Variants in USP10 observed in about 807,000 individuals in gnomAD.
USP10 encodes the protein ubiquitin specific peptidase 10, also known as ubiquitin carboxyl-terminal hydrolase 10.
In USP10, 22 loss-of-function variants were observed where a neutral mutation model predicts 84.5. The ratio of observed to expected loss-of-function variants is 0.26; its 90% CI spans 0.19 to 0.37. The LOEUF is 0.37. Among genes scored for constraint, USP10 ranks in the 10% least tolerant of loss-of-function variants. The pLI is 1.00. For missense variants in USP10, 1,019 were observed against 998.9 expected (o/e 1.02, Z -0.27); for synonymous variants, 454 against 387.6 (o/e 1.17, Z -2.01).
intron 1 of USP10, among the ~76,000 whole-genome samples, chr16:84,714,681 C>T (rs939581579): frequency 1.3e-4 from 20 of 151,784 alleles, no homozygotes; most frequent in Admixed American, 6.6e-4. Context: ...TTAGTTGTTA[C>T]TTGTGAATTT....
intron 1 of USP10, among the ~76,000 whole-genome samples, chr16:84,730,715 GTTC>G (rs1217806203): frequency 6.6e-6 from 1 of 152,124 alleles, no homozygotes; most frequent in East Asian, 1.9e-4. Flanking sequence ...GATTTGTAGT[GTTC>G]TTACTGGATT....
chr16:84,702,350 G>A (rs1015783434), intron 1 of USP10, among the ~76,000 whole-genome samples: 2 of 151,976 alleles, frequency 1.3e-5, no homozygotes, highest in African/African-American at 4.8e-5. Flanking sequence ...AGCCACTACT[G>A]CGCCTGGCCG....
intron 2 of USP10, among the ~76,000 whole-genome samples, chr16:84,739,084 A>T: frequency 6.8e-6 from 1 of 146,836 alleles, no homozygotes; most frequent in African/African-American, 2.5e-5. Context: ...TTTGAGACAG[A>T]GTCTTGTGCT....
In USP10 at chr16:84,700,058, G is replaced by A. The variant is rs906992690; in HGVS notation, c.-33G>A. 5 of 1,367,034 alleles carry A rather than the reference G, an allele frequency of 3.7e-6. No individual in the cohort carries two copies. The highest frequency in any genetic ancestry group is 1.5e-5 in the African/African-American group (1 of 64,766). The allele number at this position is 1,367,034 out of a possible 1,614,324, so 84.7% of individuals were successfully genotyped here. ...GCGGGGGAAGCAGCGTGAGCAGCCG[G>A]AGGATCGCGGAGTCCCAATGAAACG... On this transcript the variant is annotated 5_prime_UTR_variant, in exon 1 of 14. Coordinates refer to ENST00000219473, the MANE Select transcript of USP10 (RefSeq NM_005153.3).
chr16:84,745,745 G>C, intron 4 of USP10, 72 bp downstream of exon 4: 5 of 1,460,440 alleles, frequency 3.4e-6, no homozygotes, highest in Non-Finnish European at 4.6e-6. Flanking sequence ...ATAGACTGTG[G>C]TGTTACCCAT....
At chr16:84,733,328 G>T (rs1390509502) in intron 1 of USP10, 107 bp from the exon 2 acceptor site, 2 of 838,692 alleles carry the variant, frequency 2.4e-6, no homozygotes, top group Admixed American at 2.3e-5. Context: ...GATCTTGGGG[G>T]TTATGGCCCA....
chr16:84,778,610 T>G (rs143540832), intron 13 of USP10, among the ~76,000 whole-genome samples: 1,820 of 152,258 alleles, frequency 0.012, 12 homozygotes, highest in Non-Finnish European at 0.019. Context: ...GGAGTGTCTG[T>G]GTGAGGCGTG....
chr16:84,757,402 G>GGTGTGTGTGTGTGT (rs58812391), intron 4 of USP10, among the ~76,000 whole-genome samples: 1 of 82,808 alleles, frequency 1.2e-5, no homozygotes, highest in South Asian at 2.8e-4. Context: ...GAGGGGTGGG[G>GGTGTGTGTGTGTGT]GTGTGTGTGT....
At chr16:84,722,207 C>G (rs1253445966) in intron 1 of USP10, among the ~76,000 whole-genome samples, 1 of 152,192 alleles carries the variant, frequency 6.6e-6, no homozygotes, top group Non-Finnish European at 1.5e-5. Context: ...ACAAACTGTA[C>G]TCTTTTGTTT....
At chr16:84,759,588 CTT>C in intron 6 of USP10, 116 bp downstream of exon 6, 1 of 1,006,026 alleles carries the variant, frequency 9.9e-7, no homozygotes, top group Non-Finnish European at 1.5e-6. Context: ...ATAATTCTGT[CTT>C]TTTTTAAAAA....
In USP10 at chr16:84,763,102, C is replaced by G; in HGVS notation, c.1654+14C>G. 1.3e-6 allele frequency: 2 copies of G among 1,569,156 alleles called. No individual in the cohort carries two copies. Among genetic ancestry groups the G allele is most frequent in the South Asian group, 2.2e-5 (2 of 89,510 alleles). On this transcript the variant is annotated intron_variant, in intron 9 of 13. Transcript: ENST00000219473. Reference sequence around the variant, plus strand: ...CAAGTAATGAAAGTAGGTTATGGTCCACTTGCCGCAGAGTTGTGCAAGAGT... The same window carrying G: ...CAAGTAATGAAAGTAGGTTATGGTCGACTTGCCGCAGAGTTGTGCAAGAGT...
chr16:84,748,343 G>A (rs62050862), intron 4 of USP10, among the ~76,000 whole-genome samples: 30,171 of 151,498 alleles, frequency 0.2, 3,617 homozygotes, highest in East Asian at 0.37. Flanking sequence ...TCACTCTGTC[G>A]CCCAGGCCGG....
intron 1 of USP10, among the ~76,000 whole-genome samples, chr16:84,723,391 AAG>A (rs1294525701): frequency 6.6e-6 from 1 of 152,170 alleles, no homozygotes; most frequent in Non-Finnish European, 1.5e-5. Context: ...TATTTATTTG[AAG>A]ATTATATTTG....
At chr16:84,701,941 T>C (rs1162922440) in intron 1 of USP10, among the ~76,000 whole-genome samples, 3 of 145,832 alleles carry the variant, frequency 2.1e-5, no homozygotes, top group Non-Finnish European at 3.0e-5. Flanking sequence ...CTTCTTCTTT[T>C]TTTTTTTTTT....
intron 1 of USP10, among the ~76,000 whole-genome samples, chr16:84,730,137 G>A (rs377526096): frequency 2.1e-4 from 32 of 152,170 alleles, no homozygotes; most frequent in African/African-American, 7.2e-4. Flanking sequence ...TCCACTCAGC[G>A]TCCACTCAGT....
chr16:84,749,380 G>A (rs117117273), intron 4 of USP10, among the ~76,000 whole-genome samples: 1,819 of 152,260 alleles, frequency 0.012, 22 homozygotes, highest in Middle Eastern at 0.044. Context: ...ACTTGCATTA[G>A]TATCTAACTG....
Position 84,744,838 on chromosome 16 carries a change from C to G in USP10, c.357C>G (p.Gly119=). The part of the protein sequence containing the change: ...SYGSIDCQYP[G]SALALDGSSN... ...GCTCCATCGACTGCCAGTACCCAGG[C>G]TCTGCCCTCGCTTTGGATGGAAGTT... The change falls in exon 4 of 14, where the codon GGC becomes GGG. Residue 119 remains glycine (G), a synonymous_variant. Transcript: ENST00000219473. 2 of 1,613,758 alleles carry G rather than the reference C, an allele frequency of 1.2e-6. No homozygotes were observed. The highest frequency in any genetic ancestry group is 2.2e-5 in the South Asian group (2 of 91,074).
intron 1 of USP10, among the ~76,000 whole-genome samples, chr16:84,723,097 C>T (rs1031187771): frequency 1.3e-5 from 2 of 150,498 alleles, no homozygotes; most frequent in South Asian, 2.1e-4. Flanking sequence ...GGAATAAAGT[C>T]GATTTTAAAA....
chr16:84,707,351 GGGT>G (rs1905667506), intron 1 of USP10, among the ~76,000 whole-genome samples: 1 of 152,146 alleles, frequency 6.6e-6, no homozygotes, highest in Admixed American at 6.5e-5. Context: ...AGTTTGTGTG[GGGT>G]ACATTTTAAT....
Sources: gnomAD v4.1 joint callset for allele counts (sites outside exome capture counted in the v4.1 genomes callset) on GRCh38, gnomAD v4.1.1 for gene constraint, MANE v1.5 for transcripts, NCBI Gene and HGNC (gene_info 2026-07-23, HGNC 2026-07-21) for gene names.